EPHA4: variants seen among roughly 807,000 people sequenced by gnomAD.
EPHA4 encodes EPH receptor A4.
Under a neutral mutation model 108.3 loss-of-function variants are expected in EPHA4, and 19 were observed. The ratio of observed to expected loss-of-function variants is 0.18; its 90% CI spans 0.12 to 0.26. EPHA4 has a LOEUF of 0.26. EPHA4 is among the 10% of genes least tolerant of loss of function. The probability of loss-of-function intolerance (pLI) is 1.00; values close to 1 mark genes in which losing one functional copy is unlikely to be tolerated. For missense variants in EPHA4, 917 were observed against 1,254.0 expected (o/e 0.73, Z 4.06); for synonymous variants, 449 against 455.5 (o/e 0.99, Z 0.18).
At chr2:221,449,077 C>A (rs1363970706) in intron 8 of EPHA4, among the ~76,000 whole-genome samples, 2 of 151,756 alleles carry the variant, frequency 1.3e-5, no homozygotes, top group African/African-American at 4.8e-5. Flanking sequence ...GATTTTTTTA[C>A]GTGGAGTGTT....
At chr2:221,515,076 T>C (rs1248866448) in intron 3 of EPHA4, among the ~76,000 whole-genome samples, 2 of 152,188 alleles carry the variant, frequency 1.3e-5, no homozygotes, top group African/African-American at 4.8e-5. Flanking sequence ...TAGGATTCTA[T>C]TTACAAGATG....
chr2:221,542,676 T>TC (rs1411528594), intron 3 of EPHA4, among the ~76,000 whole-genome samples: 1 of 152,282 alleles, frequency 6.6e-6, no homozygotes, highest in East Asian at 1.9e-4. Context: ...GCTTTGGGTT[T>TC]CGAAAGCAAT....
intron 11 of EPHA4, among the ~76,000 whole-genome samples, chr2:221,442,008 G>C (rs1332310222): frequency 6.6e-6 from 1 of 152,178 alleles, no homozygotes; most frequent in African/African-American, 2.4e-5. Flanking sequence ...TGCACACGCT[G>C]ACTGAAGATG....
At chr2:221,447,483 G>C (rs939594443) in intron 8 of EPHA4, among the ~76,000 whole-genome samples, 1 of 152,154 alleles carries the variant, frequency 6.6e-6, no homozygotes, top group Non-Finnish European at 1.5e-5. Context: ...AGAGGCAGCG[G>C]ATCCCGGTCA....
At chr2:221,567,821 C>G (rs1312896949) in intron 2 of EPHA4, among the ~76,000 whole-genome samples, 1 of 152,178 alleles carries the variant, frequency 6.6e-6, no homozygotes, top group Non-Finnish European at 1.5e-5. Context: ...TAATCTTTCA[C>G]CCCCATTGTT....
At position 221,483,535 on chromosome 2, in the gene EPHA4, T is replaced by TGTGTGTGTGTGA. The variant is rs574575643; in HGVS notation, c.980-846_980-845insTCACACACACAC. ...GTGTGTGTGTGTGTGTGTGTGTGTG[T>TGTGTGTGTGTGA]GATGGAGTCTCGCTCTGTCACCCAG... On this transcript the variant is annotated intron_variant, in intron 4 of 17. Transcript: ENST00000281821. Among the ~76,000 whole-genome samples the TGTGTGTGTGTGA allele has an allele frequency of 6.6e-3, 985 of 150,258 alleles. 14 individuals are homozygous for TGTGTGTGTGTGA. Among genetic ancestry groups the TGTGTGTGTGTGA allele is most frequent in the African/African-American group, 0.021 (877 of 41,078 alleles).
chr2:221,538,497 G>C (rs567064668), intron 3 of EPHA4, among the ~76,000 whole-genome samples: 175 of 152,306 alleles, frequency 1.1e-3, no homozygotes, highest in African/African-American at 3.9e-3. Context: ...ATTTGCTGAA[G>C]TGAGATAAAA....
chr2:221,427,528 G>A (rs547438782), intron 15 of EPHA4, among the ~76,000 whole-genome samples: 1 of 152,180 alleles, frequency 6.6e-6, no homozygotes, highest in Non-Finnish European at 1.5e-5. Flanking sequence ...CATAGAGCAG[G>A]CCTTCATGGG....
intron 3 of EPHA4, among the ~76,000 whole-genome samples, chr2:221,556,171 AAATT>A (rs1353803446): frequency 6.6e-6 from 1 of 152,260 alleles, no homozygotes; most frequent in Admixed American, 6.5e-5. Flanking sequence ...ATAAATTTTT[AAATT>A]ATTTTTAATT....
At chr2:221,518,714 T>A (rs1372113241) in intron 3 of EPHA4, among the ~76,000 whole-genome samples, 1 of 152,220 alleles carries the variant, frequency 6.6e-6, no homozygotes, top group East Asian at 1.9e-4. Context: ...TTCTTGCCAT[T>A]GTGACTTACA....
intron 3 of EPHA4, among the ~76,000 whole-genome samples, chr2:221,522,405 C>T (rs1369855252): frequency 6.6e-6 from 1 of 152,178 alleles, no homozygotes; most frequent in Non-Finnish European, 1.5e-5. Flanking sequence ...AGGATTGGTC[C>T]AGTGCATAAA....
At chr2:221,484,827 G>A (rs1354939895) in intron 4 of EPHA4, among the ~76,000 whole-genome samples, 2 of 152,136 alleles carry the variant, frequency 1.3e-5, no homozygotes, top group Non-Finnish European at 2.9e-5. Context: ...CTGCCATTTG[G>A]AGTTATTTTT....
chr2:221,447,945 G>A (rs551894433), intron 8 of EPHA4, among the ~76,000 whole-genome samples: 162 of 151,924 alleles, frequency 1.1e-3, no homozygotes, highest in African/African-American at 3.7e-3. Flanking sequence ...GGGCTCAAGC[G>A]ATCCTCCTGC....
At chr2:221,549,996 C>A (rs550760370) in intron 3 of EPHA4, among the ~76,000 whole-genome samples, 3 of 152,094 alleles carry the variant, frequency 2.0e-5, no homozygotes, top group Non-Finnish European at 4.4e-5. Flanking sequence ...AACAAACAAA[C>A]AAACAAAAAC....
chr2:221,440,816 A>G lies in EPHA4; in HGVS notation c.2074+2013T>C, dbSNP rs563720140. 2.0e-5 allele frequency among the ~76,000 whole-genome samples: 3 copies of G among 152,338 alleles called. No homozygotes were observed. In the South Asian group the frequency reaches 6.2e-4, roughly 32 times the overall value. On this transcript the variant is annotated intron_variant, in intron 11 of 17. Coordinates refer to ENST00000281821, the MANE Select transcript of EPHA4 (RefSeq NM_004438.5). ...ATTTTACAGATGAGAAAACTGAAAGAGAAAGATTGAACAAGTAGTCCAAGG... is the reference window on the plus strand; with the variant it reads ...ATTTTACAGATGAGAAAACTGAAAGGGAAAGATTGAACAAGTAGTCCAAGG...
Position 221,572,264 on chromosome 2 carries a change from A to G in EPHA4, c.-16T>C. On this transcript the variant is annotated 5_prime_UTR_variant, in exon 1 of 18. Coordinates refer to ENST00000281821, the MANE Select transcript of EPHA4 (RefSeq NM_004438.5). ...TCCCAGCCATGGTTCGCCGGTGCCA[A>G]CGCTGCTCCTGCCGCTTCTATCCCA... The G allele has an allele frequency of 6.2e-7, 1 of 1,604,988 alleles. No homozygotes were observed. Among genetic ancestry groups the G allele is most frequent in the Non-Finnish European group, 8.5e-7 (1 of 1,171,706 alleles).
chr2:221,560,478 A>G (rs1351155798), intron 3 of EPHA4, among the ~76,000 whole-genome samples: 1 of 152,198 alleles, frequency 6.6e-6, no homozygotes, highest in Non-Finnish European at 1.5e-5. Context: ...GAAAACGTAT[A>G]TTATTATTTG....
At chr2:221,529,010 T>G (rs1275082077) in intron 3 of EPHA4, among the ~76,000 whole-genome samples, 1 of 152,040 alleles carries the variant, frequency 6.6e-6, no homozygotes, top group African/African-American at 2.4e-5. Context: ...AAAAACTACG[T>G]ATATGCCAAA....
intron 9 of EPHA4, among the ~76,000 whole-genome samples, chr2:221,444,341 T>C (rs1213942997): frequency 6.6e-6 from 1 of 152,138 alleles, no homozygotes; most frequent in Non-Finnish European, 1.5e-5. Flanking sequence ...GTGACAGATA[T>C]CTGGGCCAAG....
Sources: allele counts gnomAD v4.1 joint callset (sites outside exome capture counted in the v4.1 genomes callset), GRCh38; gene constraint gnomAD v4.1.1; transcripts MANE v1.5; gene names NCBI Gene and HGNC (gene_info 2026-07-23, HGNC 2026-07-21).